Variants in IGSF9B observed in about 807,000 individuals in gnomAD.
The protein encoded by IGSF9B is immunoglobulin superfamily member 9B, also known as protein turtle homolog B.
Under a neutral mutation model 143.7 loss-of-function variants are expected in IGSF9B, and 48 were observed. That is an observed-to-expected ratio of 0.33 (90% CI 0.26 to 0.42). The LOEUF is 0.42. IGSF9B is among the 20% of genes least tolerant of loss of function. IGSF9B has a pLI of 1.00. For synonymous variants in IGSF9B, 903 were observed against 833.1 expected (o/e 1.08, Z -1.44); for missense variants, 1,706 against 1,980.0 (o/e 0.86, Z 2.63).
chr11:133,926,779 G>A, intron 13 of IGSF9B, 137 bp downstream of exon 13: 1 of 661,274 alleles, frequency 1.5e-6, no homozygotes, highest in Non-Finnish European at 2.5e-6. Flanking sequence ...ATCCTCACGG[G>A]GAGATCAGAT....
rs1591720752 is a variant in IGSF9B, at chr11:133,937,513, G to A, written c.562-20C>T. On this transcript the variant is annotated intron_variant, in intron 4 of 19. Coordinates refer to ENST00000533871, the MANE Select transcript of IGSF9B (RefSeq NM_001277285.4). ...ACTCACCTGGGAGCCCAAAACAGAG[G>A]GAGCTCAGCACCCACGCTCACACCC... is the stretch of plus-strand genomic sequence containing the variant. 3.1e-6 allele frequency: 5 copies of A among 1,591,896 alleles called. No homozygotes were observed. In the East Asian group the frequency reaches 1.1e-4, roughly 36 times the overall value.
At chr11:133,925,521 C>G (rs989933297) in intron 14 of IGSF9B, among the ~76,000 whole-genome samples, 1 of 152,156 alleles carries the variant, frequency 6.6e-6, no homozygotes, top group Admixed American at 6.5e-5. Context: ...AACACAGGTC[C>G]CCGCTGCCCC....
At position 133,897,848 on chromosome 11, in the gene IGSF9B, T is replaced by C. The variant is rs1276637174; in HGVS notation, c.*11221A>G. 1.3e-5 allele frequency: 2 copies of C among 152,154 alleles called. No homozygotes were observed. Among genetic ancestry groups the C allele is most frequent in the East Asian group, 1.9e-4 (1 of 5,192 alleles). 9.4% of individuals were successfully genotyped at this position (152,154 alleles called of 1,614,324 possible). ...ACAATTTGTTGGTTTGTCTTTAATGTTGAACAAAAGTCAGCCAACCCATAC... is the reference window on the plus strand; with the variant it reads ...ACAATTTGTTGGTTTGTCTTTAATGCTGAACAAAAGTCAGCCAACCCATAC... On this transcript the variant is annotated 3_prime_UTR_variant, in exon 20 of 20. Coordinates refer to ENST00000533871, the MANE Select transcript of IGSF9B (RefSeq NM_001277285.4).
rs545534009 is a variant in IGSF9B at position 133,953,237 on chromosome 11, A to G, written c.64+3454T>C. On this transcript the variant is annotated intron_variant, in intron 1 of 19. Transcript: ENST00000533871. The surrounding 1 kb of genome is among the most constrained non-coding windows in gnomAD (Gnocchi z 4.2). The stretch of plus-strand genomic sequence containing the variant: ...GTCTCAGAGCCATAAACACGAAACC[A>G]CTCAAGGTCTATCTAGGACCCTGCA... Among the ~76,000 whole-genome samples, 1 of 152,022 alleles carries G rather than the reference A, an allele frequency of 6.6e-6. No individual in the cohort carries two copies. The highest frequency in any genetic ancestry group is 2.4e-5 in the African/African-American group (1 of 41,446).
rs1939046504 is a variant in IGSF9B at position 133,897,911 on chromosome 11, A to C, written c.*11158T>G. Reference sequence around the variant, plus strand: ...TGCCCAAACTCACTTTAACCAGTCCATACATACATACAGAAAAGAAAGAGA... The same window carrying C: ...TGCCCAAACTCACTTTAACCAGTCCCTACATACATACAGAAAAGAAAGAGA... On this transcript the variant is annotated 3_prime_UTR_variant, in exon 20 of 20. Transcript: ENST00000533871. 1 of 152,128 alleles carries C rather than the reference A, an allele frequency of 6.6e-6. No homozygotes were observed. Among genetic ancestry groups the C allele is most frequent in the South Asian group, 2.1e-4 (1 of 4,836 alleles). 9.4% of individuals were successfully genotyped at this position (152,128 alleles called of 1,614,324 possible).
At chr11:133,956,327 G>A (rs1341224463) in intron 1 of IGSF9B, among the ~76,000 whole-genome samples, 1 of 152,142 alleles carries the variant, frequency 6.6e-6, no homozygotes, top group Non-Finnish European at 1.5e-5. Context: ...CGCAGCCAGA[G>A]TTTCCCGCAG....
rs993275606 is a variant in IGSF9B at position 133,928,411 on chromosome 11, G to A, written c.1631+1260C>T. On this transcript the variant is annotated intron_variant, in intron 12 of 19. Coordinates refer to ENST00000533871, the MANE Select transcript of IGSF9B (RefSeq NM_001277285.4). The surrounding 1 kb of genome is among the most constrained non-coding windows in gnomAD (Gnocchi z 4.7). The stretch of plus-strand genomic sequence containing the variant: ...ACACTCCGCCCGGGAAGCAGCCACC[G>A]AACCACCATGATGGGAGACAGAGCG... Among the ~76,000 whole-genome samples the A allele has an allele frequency of 4.6e-5, 7 of 152,152 alleles. No individual in the cohort carries two copies. Among genetic ancestry groups the A allele is most frequent in the South Asian group, 2.1e-4 (1 of 4,826 alleles).
chr11:133,919,715 G>C, intron 18 of IGSF9B, 27 bp downstream of exon 18: 1 of 1,334,850 alleles, frequency 7.5e-7, no homozygotes. Context: ...GCCCAGGTGC[G>C]GGTGGCGGAA....
intron 18 of IGSF9B, chr11:133,918,968 G>A: frequency 1.1e-5 from 5 of 470,536 alleles, no homozygotes; most frequent in Admixed American, 9.4e-5. Flanking sequence ...AGCGGGGACG[G>A]CAGGGAAGAA....
rs552305790 is a variant in IGSF9B, at chr11:133,931,359, C to T, written c.1368+94G>A. ...GGGCCCTCACACCTCCCCTCAGCCC[C>T]GGGGCTCGCTGGGCCCTCAAACCTC... On this transcript the variant is annotated intron_variant, in intron 10 of 19. Coordinates refer to ENST00000533871, the MANE Select transcript of IGSF9B (RefSeq NM_001277285.4). The surrounding 1 kb of genome is among the most constrained non-coding windows in gnomAD (Gnocchi z 7.7). The T allele has an allele frequency of 2.2e-5, 21 of 950,988 alleles. 2 individuals are homozygous for T. The highest frequency in any genetic ancestry group is 9.4e-5 in the South Asian group (6 of 63,638). The allele number at this position is 950,988 out of a possible 1,614,324, so 58.9% of individuals were successfully genotyped here.
At chr11:133,927,646 TA>T (rs1215822256) in intron 12 of IGSF9B, among the ~76,000 whole-genome samples, 3 of 152,164 alleles carry the variant, frequency 2.0e-5, no homozygotes, top group African/African-American at 7.2e-5. Flanking sequence ...CCAGGATCCC[TA>T]AGGCCGTAAG....
chr11:133,904,564 G>T lies in IGSF9B; in HGVS notation c.*4505C>A, dbSNP rs930463632. Reference sequence around the variant, plus strand: ...TGATGCCCAGATCCCCCTCCCACATGCCCTGCATGGCTACCACTCCCCAGC... The same window carrying T: ...TGATGCCCAGATCCCCCTCCCACATTCCCTGCATGGCTACCACTCCCCAGC... On this transcript the variant is annotated 3_prime_UTR_variant, in exon 20 of 20. Transcript: ENST00000533871. Among the ~76,000 whole-genome samples the T allele has an allele frequency of 2.0e-5, 3 of 151,902 alleles. No individual in the cohort carries two copies. The highest frequency in any genetic ancestry group is 6.6e-5 in the Admixed American group (1 of 15,264).
rs1045792651 is a variant in IGSF9B, at chr11:133,902,818, C to T, written c.*6251G>A. Among the ~76,000 whole-genome samples the T allele has an allele frequency of 2.0e-5, 3 of 152,126 alleles. No individual in the cohort carries two copies. The highest frequency in any genetic ancestry group is 6.3e-3 in the Middle Eastern group (2 of 316). ...ACCCTTTCAAGAACTGCAAGATGAC[C>T]GTGAGGAGGCTCATCCCTCCACCAG... is the stretch of plus-strand genomic sequence containing the variant. On this transcript the variant is annotated 3_prime_UTR_variant, in exon 20 of 20. Transcript: ENST00000533871.
chr11:133,937,021 C>T (rs73596861), intron 5 of IGSF9B, among the ~76,000 whole-genome samples: 13,008 of 152,212 alleles, frequency 0.085, 1,890 homozygotes, highest in African/African-American at 0.29. Flanking sequence ...TTTATTGATG[C>T]CGTCACTAAT....
Position 133,953,696 on chromosome 11 carries a change from G to C in IGSF9B, c.64+2995C>G, listed in dbSNP as rs548608474. Reference sequence around the variant, plus strand: ...TCTGTGGCAGACAGAGGAGGCAGCCGTGGGAGTAAAGTCTGGGACTTTCCT... The same window carrying C: ...TCTGTGGCAGACAGAGGAGGCAGCCCTGGGAGTAAAGTCTGGGACTTTCCT... On this transcript the variant is annotated intron_variant, in intron 1 of 19. Coordinates refer to ENST00000533871, the MANE Select transcript of IGSF9B (RefSeq NM_001277285.4). The surrounding 1 kb of genome is among the most constrained non-coding windows in gnomAD (Gnocchi z 4.2). Among the ~76,000 whole-genome samples the C allele has an allele frequency of 6.6e-6, 1 of 152,206 alleles. No homozygotes were observed. Among genetic ancestry groups the C allele is most frequent in the Admixed American group, 6.5e-5 (1 of 15,286 alleles).
chr11:133,919,269 G>A (rs1407636222), intron 18 of IGSF9B, among the ~76,000 whole-genome samples: 1 of 152,140 alleles, frequency 6.6e-6, no homozygotes, highest in Non-Finnish European at 1.5e-5. Flanking sequence ...CCCCTGGCCT[G>A]GTGGTCTGGA....
chr11:133,945,773 T>G lies in IGSF9B; in HGVS notation c.262+288A>C, dbSNP rs1773492434. Among the ~76,000 whole-genome samples, 1 of 152,012 alleles carries G rather than the reference T, an allele frequency of 6.6e-6. No homozygotes were observed. Among genetic ancestry groups the G allele is most frequent in the African/African-American group, 2.4e-5 (1 of 41,392 alleles). On this transcript the variant is annotated intron_variant, in intron 2 of 19. Coordinates refer to ENST00000533871, the MANE Select transcript of IGSF9B (RefSeq NM_001277285.4). This position sits in a 1 kb window ranked among gnomAD's most constrained non-coding sequence, Gnocchi z 4.6. ...GGCTGCCTGACTCAGTCTGCTGTCC[T>G]CTCCATCCCACTCTCCCACCCAGGC... is the stretch of plus-strand genomic sequence containing the variant.
intron 2 of IGSF9B, among the ~76,000 whole-genome samples, chr11:133,944,977 C>G (rs913589932): frequency 1.3e-5 from 2 of 152,076 alleles, no homozygotes; most frequent in African/African-American, 4.8e-5. Context: ...GAGATGAGGG[C>G]AGCAGGGCCC....
At position 133,898,830 on chromosome 11, in the gene IGSF9B, AG is replaced by A. The variant is rs1310845281; in HGVS notation, c.*10238del. 1 of 152,290 alleles carries A rather than the reference AG, an allele frequency of 6.6e-6. No individual in the cohort carries two copies. The highest frequency in any genetic ancestry group is 1.9e-4 in the East Asian group (1 of 5,172). The allele number at this position is 152,290 out of a possible 1,614,324, so 9.4% of individuals were successfully genotyped here. ...ATGCCACAGGCAACCCCCTGTGGAC[AG>A]GAAGTGTGTGTGCAGGCTTGCCTCT... On this transcript the variant is annotated 3_prime_UTR_variant, in exon 20 of 20. Coordinates refer to ENST00000533871, the MANE Select transcript of IGSF9B (RefSeq NM_001277285.4).
Sources: allele counts gnomAD v4.1 joint callset (sites outside exome capture counted in the v4.1 genomes callset), GRCh38; gene constraint gnomAD v4.1.1; non-coding constraint Gnocchi (gnomAD v3.1); transcripts MANE v1.5; gene names NCBI Gene and HGNC (gene_info 2026-07-23, HGNC 2026-07-21).